ADAMDEC1: variants seen among roughly 807,000 people sequenced by gnomAD.
ADAMDEC1 encodes ADAM like decysin 1.
Under a neutral mutation model 60.4 loss-of-function variants are expected in ADAMDEC1, and 62 were observed. The ratio of observed to expected loss-of-function variants is 1.03; its 90% CI spans 0.84 to 1.27. The LOEUF is 1.27. Ranked by LOEUF, ADAMDEC1 falls within the 50% of genes most tolerant of loss-of-function variation. The probability of loss-of-function intolerance (pLI) is 0.00; values close to 1 mark genes in which losing one functional copy is unlikely to be tolerated. For missense variants in ADAMDEC1, 595 were observed against 565.0 expected (o/e 1.05, Z -0.54); for synonymous variants, 210 against 195.1 (o/e 1.08, Z -0.64).
intron 11 of ADAMDEC1, 91 bp downstream of exon 11, chr8:24,400,391 T>G: frequency 7.6e-7 from 1 of 1,307,830 alleles, no homozygotes; most frequent in Non-Finnish European, 1.0e-6. Flanking sequence ...TTTAATTAAA[T>G]ATTAGATCTT....
Position 24,397,685 on chromosome 8 carries a change from A to G in ADAMDEC1, c.630A>G (p.Lys210=). The part of the protein sequence containing the change: ...RISRSLKSPE[K]EDFLRAQKYI... ...ATGTTCTTTTATTCTTTGTAAAGAAAGAAGACTTTCTTCGGGCACAGAAAT... is the reference window on the plus strand; with the variant it reads ...ATGTTCTTTTATTCTTTGTAAAGAAGGAAGACTTTCTTCGGGCACAGAAAT... Residue 210 remains lysine (K), a splice_region_variant and synonymous_variant, in exon 7 of 14, where the codon AAA becomes AAG. Coordinates refer to ENST00000256412, the MANE Select transcript of ADAMDEC1 (RefSeq NM_014479.3). 1.2e-6 allele frequency: 2 copies of G among 1,612,734 alleles called. No individual in the cohort carries two copies. Among genetic ancestry groups the G allele is most frequent in the South Asian group, 1.1e-5 (1 of 90,924 alleles).
At chr8:24,393,143 A>G in intron 2 of ADAMDEC1, 119 bp from the exon 3 acceptor site, 1 of 594,014 alleles carries the variant, frequency 1.7e-6, no homozygotes, top group East Asian at 3.2e-5. Context: ...TTAAAAACAC[A>G]AAAGAATTGC....
chr8:24,392,216 C>CA, intron 1 of ADAMDEC1, 46 bp from the exon 2 acceptor site: 1 of 1,478,278 alleles, frequency 6.8e-7, no homozygotes, highest in Non-Finnish European at 9.2e-7. Flanking sequence ...CGACTAAAAC[C>CA]AAAACCTTTA....
At chr8:24,403,345 T>C (rs1817811683) in intron 12 of ADAMDEC1, among the ~76,000 whole-genome samples, 1 of 152,044 alleles carries the variant, frequency 6.6e-6, no homozygotes, top group South Asian at 2.1e-4. Context: ...TTATTATTCC[T>C]AGGTATATAG....
chr8:24,398,017 A>T (rs1187747784), intron 7 of ADAMDEC1, among the ~76,000 whole-genome samples: 1 of 151,196 alleles, frequency 6.6e-6, no homozygotes, highest in Non-Finnish European at 1.5e-5. Context: ...ACGCATTATT[A>T]AAATATTGCA....
At chr8:24,394,725 C>G (rs555374463) in intron 4 of ADAMDEC1, among the ~76,000 whole-genome samples, 1 of 151,834 alleles carries the variant, frequency 6.6e-6, no homozygotes, top group African/African-American at 2.4e-5. Flanking sequence ...GTACCCTAAA[C>G]CTGCATTTCT....
At chr8:24,388,195 G>A (rs779700711) in intron 1 of ADAMDEC1, among the ~76,000 whole-genome samples, 1 of 152,100 alleles carries the variant, frequency 6.6e-6, no homozygotes, top group East Asian at 1.9e-4. Context: ...ATTCTTCCCC[G>A]AGGCTCTGCA....
At position 24,393,321 on chromosome 8, in the gene ADAMDEC1, C is replaced by A; in HGVS notation, c.267C>A (p.Leu89=). 6.2e-7 allele frequency: 1 copy of A among 1,604,076 alleles called. No individual in the cohort carries two copies. Among genetic ancestry groups the A allele is most frequent in the Non-Finnish European group, 8.5e-7 (1 of 1,173,644 alleles). ...QMILNGEEII[L]SLQKTKHLLG... ...TCTTAAATGGAGAAGAAATCATTCT[C>A]TCCCTACAAAAAACCAAGTAAGTTG... The change falls in exon 3 of 14, where the codon CTC becomes CTA. Residue 89 remains leucine, a synonymous_variant. Coordinates refer to ENST00000256412, the MANE Select transcript of ADAMDEC1 (RefSeq NM_014479.3).
intron 13 of ADAMDEC1, among the ~76,000 whole-genome samples, chr8:24,404,997 G>A (rs1379599583): frequency 6.6e-6 from 1 of 152,074 alleles, no homozygotes; most frequent in Non-Finnish European, 1.5e-5. Context: ...TGGAACCCTA[G>A]GTGAACATGC....
At chr8:24,396,428 C>T (rs1330736214) in intron 5 of ADAMDEC1, among the ~76,000 whole-genome samples, 1 of 152,094 alleles carries the variant, frequency 6.6e-6, no homozygotes. Context: ...AGGAGAATGG[C>T]ATGAACCCAG....
Position 24,405,918 on chromosome 8 carries a change from T to G in ADAMDEC1, c.*620T>G, listed in dbSNP as rs1817877397. The G allele has an allele frequency of 6.6e-6, 1 of 152,202 alleles. No individual in the cohort carries two copies. The highest frequency in any genetic ancestry group is 1.5e-5 in the Non-Finnish European group (1 of 68,038). The allele number at this position is 152,202 out of a possible 1,614,324, so 9.4% of individuals were successfully genotyped here. A position where few individuals can be genotyped will look rare whatever the true frequency, so the allele number is the denominator to read the frequency against. On this transcript the variant is annotated 3_prime_UTR_variant, in exon 14 of 14. Coordinates refer to ENST00000256412, the MANE Select transcript of ADAMDEC1 (RefSeq NM_014479.3). ...TCATCATCATATATGAAGTTTATTT[T>G]GAGAAGTCTACATTGCTTACATTTT...
chr8:24,390,236 T>A, intron 1 of ADAMDEC1: 1 of 1,083,402 alleles, frequency 9.2e-7, no homozygotes, highest in Non-Finnish European at 1.2e-6. Context: ...GCTTACTGTC[T>A]AGAAAAGAAT....
In ADAMDEC1 at chr8:24,384,367, A is replaced by G; in HGVS notation, c.-138A>G. On this transcript the variant is annotated 5_prime_UTR_variant, in exon 1 of 14. Transcript: ENST00000256412. ...AACATTCTCATGATGTTGACACTGCAATTTTTTGACAATTTCCCAACACTC... is the reference window on the plus strand; with the variant it reads ...AACATTCTCATGATGTTGACACTGCGATTTTTTGACAATTTCCCAACACTC... The G allele has an allele frequency of 1.5e-6, 1 of 659,380 alleles. No homozygotes were observed. Among genetic ancestry groups the G allele is most frequent in the Non-Finnish European group, 2.5e-6 (1 of 397,890 alleles). 40.8% of individuals were successfully genotyped at this position (659,380 alleles called of 1,614,324 possible).
chr8:24,395,873 T>A, intron 5 of ADAMDEC1, 77 bp downstream of exon 5: 1 of 1,164,414 alleles, frequency 8.6e-7, no homozygotes, highest in Non-Finnish European at 1.2e-6. Flanking sequence ...AGATATTGTC[T>A]TCTTACTATT....
chr8:24,389,433 C>T (rs984245191), intron 1 of ADAMDEC1, among the ~76,000 whole-genome samples: 7 of 152,142 alleles, frequency 4.6e-5, no homozygotes, highest in African/African-American at 7.2e-5. Flanking sequence ...TCCACTGATA[C>T]CACTTTCATC....
At chr8:24,400,469 G>A (rs995214181) in intron 11 of ADAMDEC1, among the ~76,000 whole-genome samples, 169 bp downstream of exon 11, 2 of 151,832 alleles carry the variant, frequency 1.3e-5, no homozygotes, top group East Asian at 1.9e-4. Flanking sequence ...TAGATTGAAA[G>A]TGTTACCCAA....
rs1168561276 is a variant in ADAMDEC1 at position 24,404,019 on chromosome 8, G to A, written c.1337G>A (p.Cys446Tyr). 6.2e-7 allele frequency: 1 copy of A among 1,613,604 alleles called. No homozygotes were observed. The highest frequency in any genetic ancestry group is 8.5e-7 in the Non-Finnish European group (1 of 1,179,730). Reference protein sequence around the residue: ...CGSPKECTNLCCEALTCKLKP... With the variant: ...CGSPKECTNLYCEALTCKLKP... ...GCTTTGAAGGAGTGTACCAATCTCTGCTGTGAAGCCCTAACGTGTAAACTG... is the reference window on the plus strand; with the variant it reads ...GCTTTGAAGGAGTGTACCAATCTCTACTGTGAAGCCCTAACGTGTAAACTG... The change falls in exon 13 of 14, where the codon TGC becomes TAC. Residue 446 changes from cysteine to tyrosine, a missense_variant. Physicochemically the swap from Cys to Tyr is radical, Grantham distance 194 (BLOSUM62 -2). Transcript: ENST00000256412.
intron 1 of ADAMDEC1, among the ~76,000 whole-genome samples, chr8:24,389,044 G>A (rs368859489): frequency 4.6e-5 from 7 of 152,062 alleles, no homozygotes; most frequent in African/African-American, 1.7e-4. Flanking sequence ...CATTACAGTT[G>A]TTTGACCCAA....
chr8:24,404,984 G>A (rs1052018525), intron 13 of ADAMDEC1, among the ~76,000 whole-genome samples: 1 of 152,078 alleles, frequency 6.6e-6, no homozygotes, highest in Non-Finnish European at 1.5e-5. Context: ...CTATTTAAGG[G>A]CTTGGAACCC....
Sources: allele counts gnomAD v4.1 joint callset (sites outside exome capture counted in the v4.1 genomes callset), GRCh38; gene constraint gnomAD v4.1.1; transcripts MANE v1.5; gene names NCBI Gene and HGNC (gene_info 2026-07-23, HGNC 2026-07-21).